Variants in TMC2 observed in about 807,000 individuals in gnomAD.
TMC2 encodes the protein transmembrane channel-like protein 2.
A neutral mutation model predicts 105.9 loss-of-function variants in TMC2; 102 were observed. That is an observed-to-expected ratio of 0.96 (90% CI 0.82 to 1.14). TMC2 has a LOEUF of 1.14. Among genes scored for constraint, TMC2 ranks in the 50% most tolerant of loss-of-function variants. The pLI is 0.00. For missense variants in TMC2, 1,093 were observed against 1,134.3 expected (o/e 0.96, Z 0.52); for synonymous variants, 402 against 422.8 (o/e 0.95, Z 0.60).
At chr20:2,588,311 T>A (rs1182023143) in intron 7 of TMC2, among the ~76,000 whole-genome samples, 3 of 152,152 alleles carry the variant, frequency 2.0e-5, no homozygotes, top group Non-Finnish European at 4.4e-5. Flanking sequence ...GGAAATGAAT[T>A]CTGCCAACAA....
At chr20:2,612,425 C>T (rs2146239770) in intron 13 of TMC2, 85 bp downstream of exon 13, 1 of 1,305,010 alleles carries the variant, frequency 7.7e-7, no homozygotes, top group East Asian at 2.5e-5. Context: ...TGAGGAATAA[C>T]CCTGAAAACT....
At chr20:2,606,458 C>G (rs1178410075) in intron 11 of TMC2, among the ~76,000 whole-genome samples, 1 of 152,146 alleles carries the variant, frequency 6.6e-6, no homozygotes, top group Non-Finnish European at 1.5e-5. Context: ...CAGGGTTTCA[C>G]CCTGTTGGCC....
In TMC2 at chr20:2,613,256, C is replaced by A; in HGVS notation, c.1806C>A (p.Asp602Glu). 1 of 1,614,146 alleles carries A rather than the reference C, an allele frequency of 6.2e-7. No homozygotes were observed. Among genetic ancestry groups the A allele is most frequent in the South Asian group, 1.1e-5 (1 of 91,072 alleles). ...LVTYITILLG[D>E]FLRACFVRFM... ...CGTACATCACCATCCTGCTGGGGGA[C>A]TTCCTACGGGCTTGTTTTGTGCGGT... Residue 602 changes from aspartate to glutamate, a missense_variant, in exon 14 of 20, where the codon GAC becomes GAA. Physicochemically the swap from Asp to Glu is conservative, Grantham distance 45. Transcript: ENST00000358864.
chr20:2,583,406 T>C lies in TMC2; in HGVS notation c.834+3350T>C, dbSNP rs2086209128. ...GGAACTGAGTGTGGCCTTTGGACAATGGCCAGCAAGGAACTGAGGCCCTTA... is the reference window on the plus strand; with the variant it reads ...GGAACTGAGTGTGGCCTTTGGACAACGGCCAGCAAGGAACTGAGGCCCTTA... On this transcript the variant is annotated intron_variant, in intron 7 of 19. Transcript: ENST00000358864. 2.0e-5 allele frequency among the ~76,000 whole-genome samples: 3 copies of C among 151,740 alleles called. No individual in the cohort carries two copies. The South Asian group carries it at 6.2e-4, about 32-fold the overall frequency.
intron 7 of TMC2, among the ~76,000 whole-genome samples, chr20:2,583,043 G>A (rs6050336): frequency 0.068 from 10,304 of 152,190 alleles, 1,134 homozygotes; most frequent in African/African-American, 0.23. Flanking sequence ...TCACCTGGGG[G>A]ACTTTAAGAA....
chr20:2,573,799 A>G (rs1011264154), intron 5 of TMC2, among the ~76,000 whole-genome samples: 2 of 151,562 alleles, frequency 1.3e-5, no homozygotes, highest in Admixed American at 1.3e-4. Context: ...TGACCTCGTG[A>G]TCCGCCCGCC....
At chr20:2,541,921 C>T (rs557367113) in intron 2 of TMC2, among the ~76,000 whole-genome samples, 380 of 150,304 alleles carry the variant, frequency 2.5e-3, no homozygotes, top group African/African-American at 8.6e-3. Context: ...AATTGCATTT[C>T]CCCATTAGTA....
intron 9 of TMC2, among the ~76,000 whole-genome samples, chr20:2,596,725 GTGTGTGTGTGTGTGTGTGTA>G (rs1316892606): frequency 1.3e-5 from 2 of 150,856 alleles, no homozygotes; most frequent in Non-Finnish European, 3.0e-5. Flanking sequence ...ATATGTGTGT[GTGTGTGTGTGTGTGTGTGTA>G]TGTGTGTGTG....
Position 2,589,930 on chromosome 20 carries a change from A to G in TMC2, c.835-2380A>G, listed in dbSNP as rs190434706. Among the ~76,000 whole-genome samples, 913 of 152,236 alleles carry G rather than the reference A, an allele frequency of 6.0e-3. 11 individuals are homozygous for G. Among genetic ancestry groups the G allele is most frequent in the African/African-American group, 0.021 (877 of 41,538 alleles). On this transcript the variant is annotated intron_variant, in intron 7 of 19. Coordinates refer to ENST00000358864, the MANE Select transcript of TMC2 (RefSeq NM_080751.3). Reference sequence around the variant, plus strand: ...ATGATCTGCCCACCTCGGCTTCCCAAAGTGCTGGGATTACAGGCATGAGCC... The same window carrying G: ...ATGATCTGCCCACCTCGGCTTCCCAGAGTGCTGGGATTACAGGCATGAGCC...
chr20:2,610,453 G>GT lies in TMC2; in HGVS notation c.1449dup (p.Pro484SerfsTer5). On this transcript the variant is annotated frameshift_variant, in exon 12 of 20. Transcript: ENST00000358864. LOFTEE classifies it high-confidence loss of function. ...GTGATGTCCCTGCTTGGAATGTTTTGTCCCCCTCTGTTTGAAACCATCGCT... is the reference window on the plus strand; with the variant it reads ...GTGATGTCCCTGCTTGGAATGTTTTGTTCCCCCTCTGTTTGAAACCATCGCT... The GT allele has an allele frequency of 1.2e-6, 2 of 1,612,812 alleles. No individual in the cohort carries two copies. Among genetic ancestry groups the GT allele is most frequent in the South Asian group, 2.2e-5 (2 of 90,918 alleles).
intron 16 of TMC2, chr20:2,618,218 T>C (rs1160490190): frequency 1.3e-5 from 2 of 152,842 alleles, no homozygotes; most frequent in Admixed American, 6.5e-5. Context: ...TCTACCTCCA[T>C]GAGATCCACT....
chr20:2,600,689 T>C (rs2086344246), intron 10 of TMC2, among the ~76,000 whole-genome samples: 1 of 152,048 alleles, frequency 6.6e-6, no homozygotes, highest in South Asian at 2.1e-4. Flanking sequence ...CCGGGCATGG[T>C]GGCGGGTGCC....
In TMC2 at chr20:2,610,573, C is replaced by A; in HGVS notation, c.1568C>A (p.Ala523Asp). Residue 523 changes from alanine to aspartate, a missense_variant, in exon 12 of 20, where the codon GCC becomes GAC. By Grantham distance (126) the Ala-to-Asp change is moderately radical. Coordinates refer to ENST00000358864, the MANE Select transcript of TMC2 (RefSeq NM_080751.3). ...FLGNLYTFLLALMDDVHLKLA... is the reference protein window; with the variant it reads ...FLGNLYTFLLDLMDDVHLKLA... ...GGGAACCTCTACACATTTCTCTTGG[C>A]CCTGATGGATGACGTCCACCTCAAG... The A allele has an allele frequency of 6.2e-7, 1 of 1,605,014 alleles. No homozygotes were observed. The highest frequency in any genetic ancestry group is 1.1e-5 in the South Asian group (1 of 89,862).
intron 2 of TMC2, among the ~76,000 whole-genome samples, chr20:2,543,019 T>C (rs966691947): frequency 2.6e-5 from 4 of 152,150 alleles, no homozygotes; most frequent in East Asian, 1.9e-4. Context: ...GGCGAATCAC[T>C]TGAGGTCAGG....
chr20:2,568,764 G>A (rs1259209948), intron 4 of TMC2, among the ~76,000 whole-genome samples: 1 of 152,146 alleles, frequency 6.6e-6, no homozygotes, highest in Non-Finnish European at 1.5e-5. Context: ...CCAAGGGGGG[G>A]AACAGGGAGA....
At chr20:2,560,590 C>T (rs1425639770) in intron 3 of TMC2, among the ~76,000 whole-genome samples, 1 of 152,126 alleles carries the variant, frequency 6.6e-6, no homozygotes, top group Non-Finnish European at 1.5e-5. Context: ...GTAATCCCAG[C>T]ACTTTGGGAG....
At chr20:2,560,714 G>A (rs1435537685) in intron 3 of TMC2, among the ~76,000 whole-genome samples, 2 of 152,110 alleles carry the variant, frequency 1.3e-5, no homozygotes, top group African/African-American at 4.8e-5. Context: ...GCGGGTGCCT[G>A]TAGTGCCAGC....
chr20:2,540,519 G>A (rs902998945), intron 2 of TMC2, among the ~76,000 whole-genome samples: 10 of 151,908 alleles, frequency 6.6e-5, no homozygotes, highest in African/African-American at 9.7e-5. Context: ...AAATTAGCCA[G>A]GCTTGGTGGT....
chr20:2,610,737 C>T (rs1378405620), intron 12 of TMC2, 139 bp downstream of exon 12: 7 of 447,174 alleles, frequency 1.6e-5, no homozygotes, highest in East Asian at 6.9e-5. Context: ...TAAAAAAAAA[C>T]TCCTTGGACT....
Sources: allele counts gnomAD v4.1 joint callset (sites outside exome capture counted in the v4.1 genomes callset), GRCh38; gene constraint gnomAD v4.1.1; transcripts MANE v1.5; gene names NCBI Gene and HGNC (gene_info 2026-07-23, HGNC 2026-07-21).